The following OSBPL10 variants were observed in gnomAD, a reference collection of about 807,000 sequenced individuals.
OSBPL10 encodes oxysterol-binding protein-related protein 10.
In OSBPL10, 49 loss-of-function variants were observed where a neutral mutation model predicts 81.7. The ratio of observed to expected loss-of-function variants is 0.60; its 90% CI spans 0.48 to 0.76. The LOEUF (loss-of-function observed/expected upper bound fraction) is 0.76. Ranked by LOEUF, OSBPL10 falls within the 30% of genes least tolerant of loss-of-function variation. The pLI is 0.00. For missense variants in OSBPL10, 923 were observed against 987.8 expected (o/e 0.93, Z 0.88); for synonymous variants, 419 against 383.6 (o/e 1.09, Z -1.08).
Position 31,980,988 on chromosome 3 carries a change from G to A in OSBPL10, c.192C>T (p.Ser64=). 1.3e-6 allele frequency: 2 copies of A among 1,541,832 alleles called. No homozygotes were observed. The highest frequency in any genetic ancestry group is 1.2e-5 in the South Asian group (1 of 83,610). Residue 64 remains serine (S), a synonymous_variant, in exon 1 of 12, where the codon AGC becomes AGT. Coordinates refer to ENST00000396556, the MANE Select transcript of OSBPL10 (RefSeq NM_017784.5). ...TCCTGCGGCCGCCTCCCCCGGACGG[G>A]CTAGCGGCCACAGAGCCCGGGCTGC... ...SRSSPGSVAA[S]PSGGGGRRRE...
chr3:31,808,600 G>T (rs1699580624), intron 4 of OSBPL10, among the ~76,000 whole-genome samples: 1 of 152,146 alleles, frequency 6.6e-6, no homozygotes, highest in Non-Finnish European at 1.5e-5. Context: ...GGGAGAGAGG[G>T]TTCTGAAAAA....
intron 2 of OSBPL10, among the ~76,000 whole-genome samples, chr3:32,043,502 T>C (rs1354912773): frequency 2.0e-5 from 3 of 152,204 alleles, no homozygotes; most frequent in Admixed American, 6.5e-5. Context: ...GATTAAGAGA[T>C]TAAAGTAAGA....
intron 4 of OSBPL10, among the ~76,000 whole-genome samples, chr3:31,769,309 G>A (rs1698290378): frequency 6.6e-6 from 1 of 151,216 alleles, no homozygotes; most frequent in Non-Finnish European, 1.5e-5. Context: ...GCCAGGTGTG[G>A]TGGTGCACAC....
intron 7 of OSBPL10, among the ~76,000 whole-genome samples, chr3:31,693,512 T>G (rs905170887): frequency 6.6e-6 from 1 of 152,228 alleles, no homozygotes; most frequent in Non-Finnish European, 1.5e-5. Flanking sequence ...CAGGTAATGA[T>G]GTCATTTTCC....
chr3:31,897,311 GA>G (rs911564960), intron 1 of OSBPL10, among the ~76,000 whole-genome samples: 1 of 152,124 alleles, frequency 6.6e-6, no homozygotes, highest in Non-Finnish European at 1.5e-5. Context: ...GAGTGTGGTG[GA>G]AAAACGAACT....
intron 1 of OSBPL10, among the ~76,000 whole-genome samples, chr3:32,073,367 A>G (rs1182136807): frequency 6.6e-5 from 10 of 151,734 alleles, no homozygotes; most frequent in Admixed American, 6.6e-4. Context: ...AAACTCTACA[A>G]CCTCGATGGA....
chr3:31,806,463 CT>C (rs1312355860), intron 4 of OSBPL10, among the ~76,000 whole-genome samples: 1 of 152,222 alleles, frequency 6.6e-6, no homozygotes, highest in Non-Finnish European at 1.5e-5. Flanking sequence ...TACTTACCTT[CT>C]TTTAGCTGAG....
chr3:31,688,279 TCTCTCACACACACA>T (rs1291741228), intron 7 of OSBPL10, among the ~76,000 whole-genome samples: 4 of 77,780 alleles, frequency 5.1e-5, no homozygotes, highest in African/African-American at 1.3e-4. Context: ...TCTCTCTCTC[TCTCTCACACACACA>T]CACACACACA....
At chr3:31,966,106 A>G (rs562846366) in intron 1 of OSBPL10, among the ~76,000 whole-genome samples, 2 of 147,840 alleles carry the variant, frequency 1.4e-5, no homozygotes, top group African/African-American at 5.0e-5. Context: ...ACCAGCCTGA[A>G]CAACATAGCA....
At chr3:31,981,357 G>A (rs765650462), upstream of OSBPL10, 1 of 1,116,046 alleles carries the variant, frequency 9.0e-7, no homozygotes, top group African/African-American at 1.6e-5. The surrounding 1 kb of genome is among the most constrained non-coding windows in gnomAD (Gnocchi z 4.5). Context: ...TGGGAAGGAA[G>A]CCAACGGGGC....
intron 1 of OSBPL10, among the ~76,000 whole-genome samples, chr3:32,060,888 G>A (rs7623409): frequency 0.6 from 49,301 of 82,110 alleles, 20,983 homozygotes; most frequent in East Asian, 0.84. Flanking sequence ...CGGGAGAACC[G>A]CTTGAACCTG....
chr3:31,768,528 G>C (rs1698268111), intron 4 of OSBPL10, among the ~76,000 whole-genome samples: 1 of 142,734 alleles, frequency 7.0e-6, no homozygotes, highest in Admixed American at 7.2e-5. Flanking sequence ...TATTTTTTCA[G>C]ATTTCCCAGA....
intron 1 of OSBPL10, among the ~76,000 whole-genome samples, chr3:32,050,412 T>C (rs1297826965): frequency 1.3e-5 from 2 of 152,212 alleles, no homozygotes; most frequent in African/African-American, 4.8e-5. Flanking sequence ...GTTGATTCTC[T>C]TCTCCTCCAT....
chr3:31,942,679 C>T (rs1399791628), intron 1 of OSBPL10, among the ~76,000 whole-genome samples: 1 of 151,762 alleles, frequency 6.6e-6, no homozygotes, highest in Non-Finnish European at 1.5e-5. Context: ...CCATTTAAAG[C>T]ACAGGCATGT....
At chr3:32,066,680 C>T (rs1350103945) in intron 1 of OSBPL10, 1 of 152,228 alleles carries the variant, frequency 6.6e-6, no homozygotes, top group Non-Finnish European at 1.5e-5. Flanking sequence ...CAGTTTGCAA[C>T]CTAAGATTCT....
intron 2 of OSBPL10, among the ~76,000 whole-genome samples, chr3:31,876,991 C>T (rs1481435392): frequency 6.6e-6 from 1 of 150,872 alleles, no homozygotes; most frequent in Non-Finnish European, 1.5e-5. Flanking sequence ...GCACACTCTG[C>T]CTCCTGGGTT....
chr3:31,938,509 T>TTTTG lies in OSBPL10; in HGVS notation c.281+42386_281+42389dup, dbSNP rs377750097. On this transcript the variant is annotated intron_variant, in intron 1 of 11. Transcript: ENST00000396556. ...TCCCCTCAGAAGTTTTTGTGGGGTT[T>TTTTG]TTTGTTTGTTTGTTTGTTTAGATAG... 2.9e-3 allele frequency among the ~76,000 whole-genome samples: 447 copies of TTTTG among 152,160 alleles called. 4 individuals are homozygous for TTTTG. Among genetic ancestry groups the TTTTG allele is most frequent in the African/African-American group, 9.5e-3 (395 of 41,520 alleles).
chr3:31,972,119 T>C (rs527579558), intron 1 of OSBPL10, among the ~76,000 whole-genome samples: 6 of 152,262 alleles, frequency 3.9e-5, no homozygotes, highest in Non-Finnish European at 7.3e-5. Flanking sequence ...CCGGGCACAG[T>C]GGCTCACGCC....
At chr3:31,944,675 A>G (rs968372397) in intron 1 of OSBPL10, among the ~76,000 whole-genome samples, 3 of 150,990 alleles carry the variant, frequency 2.0e-5, no homozygotes, top group Admixed American at 6.6e-5. Flanking sequence ...GTGCTGTGGC[A>G]CTGACTCATC....
Sources: gnomAD v4.1 joint callset for allele counts (sites outside exome capture counted in the v4.1 genomes callset) on GRCh38, gnomAD v4.1.1 for gene constraint, Gnocchi (gnomAD v3.1) non-coding constraint, MANE v1.5 for transcripts, NCBI Gene and HGNC (gene_info 2026-07-23, HGNC 2026-07-21) for gene names.